The following ABI3BP variants were observed in gnomAD, a reference collection of about 807,000 sequenced individuals.
ABI3BP encodes the protein target of Nesh-SH3.
ABI3BP carries 216 observed loss-of-function variants against 268.6 expected under a neutral mutation model. The ratio of observed to expected loss-of-function variants is 0.80; its 90% CI spans 0.72 to 0.90. The LOEUF (loss-of-function observed/expected upper bound fraction) is 0.90. ABI3BP is among the 40% of genes least tolerant of loss of function. The probability of loss-of-function intolerance (pLI) is 0.00; values close to 1 mark genes in which losing one functional copy is unlikely to be tolerated. For missense variants in ABI3BP, 2,090 were observed against 2,182.4 expected, an observed-to-expected ratio of 0.96 and a Z score of 0.84; for synonymous variants, 730 against 730.0, an observed-to-expected ratio of 1.00 and a Z score of 0.00.
chr3:100,816,024 A>G, intron 43 of ABI3BP, 53 bp from the exon 44 acceptor site: 1 of 1,301,198 alleles, frequency 7.7e-7, no homozygotes, highest in Non-Finnish European at 1.0e-6. Context: ...TTTTTAAAAA[A>G]AATCCTCAAT....
chr3:100,991,650 A>G (rs758547670), intron 1 of ABI3BP, among the ~76,000 whole-genome samples: 12 of 152,220 alleles, frequency 7.9e-5, no homozygotes, highest in Admixed American at 2.0e-4. Context: ...AAAACATAAT[A>G]TTAAAAACAA....
At chr3:100,851,762 TC>T in intron 15 of ABI3BP, 112 bp downstream of exon 15, 1 of 826,694 alleles carries the variant, frequency 1.2e-6, no homozygotes, top group Non-Finnish European at 1.9e-6. Context: ...TAGAAATTTC[TC>T]CCATGCAGAG....
chr3:100,911,485 A>T, intron 2 of ABI3BP: 1 of 413,858 alleles, frequency 2.4e-6, no homozygotes, highest in Non-Finnish European at 4.4e-6. Context: ...TTGCTTGTTC[A>T]TTGTTTTTCA....
chr3:100,959,141 C>T (rs937315150), intron 1 of ABI3BP, among the ~76,000 whole-genome samples: 18 of 152,174 alleles, frequency 1.2e-4, no homozygotes, highest in African/African-American at 4.3e-4. Flanking sequence ...CATTAGAGAC[C>T]TTCCACAGAG....
chr3:100,808,107 A>G, intron 50 of ABI3BP, 54 bp downstream of exon 50: 1 of 1,498,636 alleles, frequency 6.7e-7, no homozygotes, highest in Non-Finnish European at 9.2e-7. Flanking sequence ...AATTTGCTAG[A>G]ATAACCCCAC....
chr3:100,928,006 A>G (rs1245500098), intron 1 of ABI3BP, among the ~76,000 whole-genome samples: 2 of 151,436 alleles, frequency 1.3e-5, no homozygotes, highest in African/African-American at 4.9e-5. Context: ...CCCAGTCAGA[A>G]CCATCCTGAG....
intron 2 of ABI3BP, among the ~76,000 whole-genome samples, chr3:100,906,122 C>T (rs1582875876): frequency 1.3e-5 from 2 of 152,254 alleles, no homozygotes; most frequent in South Asian, 4.1e-4. Flanking sequence ...TAGAGTTAAC[C>T]TTTTAGATTC....
intron 4 of ABI3BP, among the ~76,000 whole-genome samples, chr3:100,890,021 A>G (rs1322833909): frequency 1.3e-5 from 2 of 152,126 alleles, no homozygotes; most frequent in African/African-American, 4.8e-5. Flanking sequence ...CTAACAAAAT[A>G]CCTGAGACAG....
At chr3:100,927,286 C>T (rs1416167686) in intron 1 of ABI3BP, among the ~76,000 whole-genome samples, 2 of 152,132 alleles carry the variant, frequency 1.3e-5, no homozygotes, top group African/African-American at 4.8e-5. Flanking sequence ...GGTGAGGAAA[C>T]ACATTGTCTT....
At chr3:100,815,568 G>T (rs2098011577) in intron 44 of ABI3BP, among the ~76,000 whole-genome samples, 1 of 152,092 alleles carries the variant, frequency 6.6e-6, no homozygotes, top group South Asian at 2.1e-4. Flanking sequence ...CTCAAAGGGA[G>T]TTCATGGTAC....
chr3:100,977,062 T>A (rs1183648112), intron 1 of ABI3BP, among the ~76,000 whole-genome samples: 1 of 152,230 alleles, frequency 6.6e-6, no homozygotes, highest in African/African-American at 2.4e-5. Context: ...TATGCTCAGT[T>A]TTTTTGTGGT....
chr3:100,810,269 T>C lies in ABI3BP; in HGVS notation c.3607+143A>G, dbSNP rs138031812. ...CTGCCATTTGAGTAATTACCAATGA[T>C]AGCAGGACATCAGACAGGTAGGATT... On this transcript the variant is annotated intron_variant, in intron 49 of 67. Coordinates refer to ENST00000471714, the MANE Select transcript of ABI3BP (RefSeq NM_001375547.2). 623 of 630,206 alleles carry C rather than the reference T, an allele frequency of 9.9e-4. 4 individuals carry two copies. Among genetic ancestry groups the C allele is most frequent in the East Asian group, 4.1e-3 (148 of 35,692 alleles). 39.0% of individuals were successfully genotyped at this position (630,206 alleles called of 1,614,324 possible).
intron 57 of ABI3BP, 88 bp from the exon 58 acceptor site, chr3:100,780,297 C>T (rs945113091): frequency 1.6e-6 from 2 of 1,229,186 alleles, no homozygotes; most frequent in Admixed American, 1.9e-5. Context: ...AACGTACATT[C>T]TTTGCAGAGC....
intron 57 of ABI3BP, among the ~76,000 whole-genome samples, chr3:100,781,606 G>C (rs1013907688): frequency 2.6e-5 from 4 of 152,084 alleles, no homozygotes; most frequent in Non-Finnish European, 5.9e-5. Flanking sequence ...GGGAATTGAA[G>C]AATACCTGCA....
intron 4 of ABI3BP, among the ~76,000 whole-genome samples, chr3:100,889,594 A>G (rs2043574145): frequency 6.6e-6 from 1 of 152,164 alleles, no homozygotes; most frequent in African/African-American, 2.4e-5. Context: ...GTCTATTAAA[A>G]ATACAGGTAG....
chr3:100,773,097 AAAG>A (rs2096599208), intron 61 of ABI3BP, among the ~76,000 whole-genome samples: 1 of 151,620 alleles, frequency 6.6e-6, no homozygotes, highest in Non-Finnish European at 1.5e-5. Flanking sequence ...AAAAAAAAGA[AAAG>A]AAAAAGAAAA....
At chr3:100,944,870 G>A (rs2071363810) in intron 1 of ABI3BP, among the ~76,000 whole-genome samples, 1 of 152,230 alleles carries the variant, frequency 6.6e-6, no homozygotes, top group East Asian at 1.9e-4. Context: ...AGGCTGAGTG[G>A]CCATGAGATG....
chr3:100,796,417 C>T lies in ABI3BP; in HGVS notation c.3809G>A (p.Ser1270Asn). The T allele has an allele frequency of 6.3e-7, 1 of 1,594,352 alleles. No homozygotes were observed. Among genetic ancestry groups the T allele is most frequent in the Non-Finnish European group, 8.5e-7 (1 of 1,171,166 alleles). ...TGAAATAATTAATTTACCAGGTTCG[C>T]TCTGAGAGACCTCAGGGTATGGTTT... ...PHKPYPEVSQSEPVLQPVTFR... is the reference protein window; with the variant it reads ...PHKPYPEVSQNEPVLQPVTFR... Residue 1270 changes from serine to asparagine, a missense_variant, in exon 52 of 68, where the codon AGC becomes AAC. Transcript: ENST00000471714.
chr3:100,967,461 G>A lies in ABI3BP; in HGVS notation c.79+25845C>T, dbSNP rs547301380. Among the ~76,000 whole-genome samples, 14 of 148,912 alleles carry A rather than the reference G, an allele frequency of 9.4e-5. No individual in the cohort carries two copies. In the East Asian group the frequency reaches 2.8e-3, roughly 29 times the overall value. On this transcript the variant is annotated intron_variant, in intron 1 of 67. Transcript: ENST00000471714. Reference sequence around the variant, plus strand: ...GGAGGTTGCAGTGAGCTGAGGTAGCGCCGCTGCACTCTAGCCTGGGTGACA... The same window carrying A: ...GGAGGTTGCAGTGAGCTGAGGTAGCACCGCTGCACTCTAGCCTGGGTGACA...
Sources: allele counts gnomAD v4.1 joint callset (sites outside exome capture counted in the v4.1 genomes callset), GRCh38; gene constraint gnomAD v4.1.1; transcripts MANE v1.5; gene names NCBI Gene and HGNC (gene_info 2026-07-23, HGNC 2026-07-21).